RAET1L: variants seen among roughly 807,000 people sequenced by gnomAD.
The protein encoded by RAET1L is retinoic acid early transcript 1L, also known as UL16-binding protein 6.
Under a neutral mutation model 23.9 loss-of-function variants are expected in RAET1L, and 16 were observed. The ratio of observed to expected loss-of-function variants is 0.67; its 90% CI spans 0.45 to 1.02. RAET1L has a LOEUF of 1.02. RAET1L is among the 50% of genes least tolerant of loss of function. The probability of loss-of-function intolerance (pLI) is 0.00; values close to 1 mark genes in which losing one functional copy is unlikely to be tolerated. For missense variants in RAET1L, 233 were observed against 304.0 expected (o/e 0.77, Z 1.74); for synonymous variants, 70 against 111.2 (o/e 0.63, Z 2.33).
chr6:150,018,723 T>C lies in RAET1L; in HGVS notation c.*155A>G, dbSNP rs529793958. On this transcript the variant is annotated 3_prime_UTR_variant, in exon 5 of 5. Coordinates refer to ENST00000367341, the MANE Select transcript of RAET1L (RefSeq NM_130900.3). ...AGGAATCAAGGCAGTGAATGAGCTATTGGGTCCATGGTGTCATCATCATCT... is the reference window on the plus strand; with the variant it reads ...AGGAATCAAGGCAGTGAATGAGCTACTGGGTCCATGGTGTCATCATCATCT... 1.3e-4 allele frequency: 22 copies of C among 169,888 alleles called. No homozygotes were observed. The South Asian group carries it at 2.8e-3, about 22-fold the overall frequency. 10.5% of individuals were successfully genotyped at this position (169,888 alleles called of 1,614,324 possible). A position where few individuals can be genotyped will look rare whatever the true frequency, so the allele number is the denominator to read the frequency against.
intron 1 of RAET1L, among the ~76,000 whole-genome samples, chr6:150,022,836 G>T (rs1486596528): frequency 6.4e-5 from 6 of 93,356 alleles, no homozygotes; most frequent in African/African-American, 1.9e-4. Flanking sequence ...GAAAGTCTAA[G>T]GCAGGTAGTG....
chr6:150,019,468 A>G (rs1779860475), intron 4 of RAET1L, among the ~76,000 whole-genome samples: 1 of 152,158 alleles, frequency 6.6e-6, no homozygotes, highest in African/African-American at 2.4e-5. Flanking sequence ...GTGTGATGGC[A>G]GGGGAGCTGC....
In RAET1L at chr6:150,020,984, G is replaced by A. The variant is rs764059890; in HGVS notation, c.552C>T (p.Tyr184=). ...ATCCTATGCAGTCTCCCATTGAGATGTAATGGAAGGACATGGCCACATCCT... is the reference window on the plus strand; with the variant it reads ...ATCCTATGCAGTCTCCCATTGAGATATAATGGAAGGACATGGCCACATCCT... ...NDKDVAMSFH[Y]ISMGDCIGWL... Residue 184 remains tyrosine, a synonymous_variant, in exon 3 of 5, where the codon TAC becomes TAT. Coordinates refer to ENST00000367341, the MANE Select transcript of RAET1L (RefSeq NM_130900.3). 21 of 1,614,100 alleles carry A rather than the reference G, an allele frequency of 1.3e-5. No homozygotes were observed. The highest frequency in any genetic ancestry group is 1.6e-4 in the Middle Eastern group (1 of 6,084).
At chr6:150,025,131 C>T (rs1484095557) in intron 1 of RAET1L, among the ~76,000 whole-genome samples, 1 of 152,196 alleles carries the variant, frequency 6.6e-6, no homozygotes, top group Non-Finnish European at 1.5e-5. Flanking sequence ...CCCACCTAGC[C>T]CTCGCAGCCC....
chr6:150,019,569 T>TTCATTCCTGGAACCTAAGCC (rs71010878), intron 4 of RAET1L, among the ~76,000 whole-genome samples: 1 of 134,364 alleles, frequency 7.4e-6, no homozygotes, highest in Non-Finnish European at 1.7e-5. Context: ...ACCTTCCACC[T>TTCATTCCTGGAACCTAAGCC]ACTTTCTGTG....
intron 1 of RAET1L, among the ~76,000 whole-genome samples, chr6:150,024,677 G>C (rs953341350): frequency 1.3e-5 from 2 of 152,140 alleles, no homozygotes; most frequent in Non-Finnish European, 2.9e-5. Context: ...GGAGCTTGGG[G>C]TGTGTTTGTT....
At position 150,018,544 on chromosome 6, in the gene RAET1L, A is replaced by C. The variant is rs1434320259; in HGVS notation, c.*334T>G. ...AAAGAAAGAAATCATCATTCAAAGA[A>C]GTACTTGATTTTCCAAACAAAAAGA... On this transcript the variant is annotated 3_prime_UTR_variant, in exon 5 of 5. Transcript: ENST00000367341. 6.6e-6 allele frequency: 1 copy of C among 152,366 alleles called. No individual in the cohort carries two copies. The highest frequency in any genetic ancestry group is 1.9e-4 in the East Asian group (1 of 5,212). The allele number at this position is 152,366 out of a possible 1,614,324, so 9.4% of individuals were successfully genotyped here.
At chr6:150,024,212 T>A (rs1337343795) in intron 1 of RAET1L, among the ~76,000 whole-genome samples, 2 of 151,976 alleles carry the variant, frequency 1.3e-5, no homozygotes, top group Admixed American at 1.3e-4. Context: ...TCCCATCACA[T>A]CCACACCACC....
chr6:150,019,837 C>G (rs1779864430), intron 4 of RAET1L, among the ~76,000 whole-genome samples: 2 of 125,208 alleles, frequency 1.6e-5, no homozygotes, highest in African/African-American at 2.8e-5. Context: ...CTTGCTAAAC[C>G]TTCTCAAGCT....
rs547206558 is a variant in RAET1L, at chr6:150,022,214, C to T, written c.115G>A (p.Val39Ile). The change falls in exon 2 of 5, where the codon GTC becomes ATC. Residue 39 changes from valine to isoleucine, a missense_variant. Val to Ile is a conservative substitution (Grantham distance 29). This residue lies in a region of RAET1L where 44 missense variants were observed against 107.4 expected (regional missense o/e 0.41). Transcript: ENST00000367341. ...GGTCCAGGTCTGAACTTAGGGATGA[C>T]GGTGATGTCATAGCAAAGAGAGTGA... is the stretch of plus-strand genomic sequence containing the variant. The part of the protein sequence containing the change: ...DPHSLCYDIT[V>I]IPKFRPGPRW... 387 of 1,574,264 alleles carry T rather than the reference C, an allele frequency of 2.5e-4. No individual in the cohort carries two copies. Among genetic ancestry groups the T allele is most frequent in the East Asian group, 2.2e-3 (99 of 44,472 alleles).
In RAET1L at chr6:150,021,962, G is replaced by A; in HGVS notation, c.349+18C>T. 2 of 1,606,052 alleles carry A rather than the reference G, an allele frequency of 1.2e-6. No individual in the cohort carries two copies. Among genetic ancestry groups the A allele is most frequent in the Non-Finnish European group, 1.7e-6 (2 of 1,175,886 alleles). On this transcript the variant is annotated intron_variant, in intron 2 of 4. Coordinates refer to ENST00000367341, the MANE Select transcript of RAET1L (RefSeq NM_130900.3). ...CACTGTATCTGCTCCCTGCTGTCCT[G>A]GGCCATCTGAAACTTACCCTTGGGT...
rs1327033209 is a variant in RAET1L at position 150,020,280 on chromosome 6, C to T, written c.632-41G>A. ...AAAAGTGACAACCCTTGTCCAGGCCCCAAATCTGAGGAGACACCTCCTCAG... is the reference window on the plus strand; with the variant it reads ...AAAAGTGACAACCCTTGTCCAGGCCTCAAATCTGAGGAGACACCTCCTCAG... On this transcript the variant is annotated intron_variant, in intron 3 of 4. Transcript: ENST00000367341. The T allele has an allele frequency of 4.7e-6, 5 of 1,058,114 alleles. No individual in the cohort carries two copies. In the African/African-American group the frequency reaches 7.9e-5, roughly 17 times the overall value. The allele number at this position is 1,058,114 out of a possible 1,614,324, so 65.5% of individuals were successfully genotyped here. A position where few individuals can be genotyped will look rare whatever the true frequency, so the allele number is the denominator to read the frequency against.
At position 150,021,096 on chromosome 6, in the gene RAET1L, G is replaced by T. The variant is rs61730071; in HGVS notation, c.440C>A (p.Thr147Asn). Reference sequence around the variant, plus strand: ...CTTCTCTGAGTCAAAGAGTAGGAAGGTCTGTCCATCGATACTGAACTGCCA... The same window carrying T: ...CTTCTCTGAGTCAAAGAGTAGGAAGTTCTGTCCATCGATACTGAACTGCCA... ...GSWQFSIDGQ[T>N]FLLFDSEKRM... The change falls in exon 3 of 5, where the codon ACC (threonine) becomes AAC (asparagine). Residue 147 changes from threonine (T) to asparagine (N), a missense_variant. By Grantham distance (65) the Thr-to-Asn change is moderately conservative (BLOSUM62 0). This residue lies in a region of RAET1L where 139 missense variants were observed against 125.3 expected (regional missense o/e 1.11). Transcript: ENST00000367341. 3 of 1,613,812 alleles carry T rather than the reference G, an allele frequency of 1.9e-6. No individual in the cohort carries two copies. In the East Asian group the frequency reaches 6.7e-5, roughly 36 times the overall value.
chr6:150,024,685 G>A (rs1329861559), intron 1 of RAET1L, among the ~76,000 whole-genome samples: 1 of 152,134 alleles, frequency 6.6e-6, no homozygotes, highest in Non-Finnish European at 1.5e-5. Flanking sequence ...GGGTGTGTTT[G>A]TTGGGGTGTG....
At chr6:150,019,169 G>A (rs1779856986) in intron 4 of RAET1L, among the ~76,000 whole-genome samples, 1 of 152,180 alleles carries the variant, frequency 6.6e-6, no homozygotes, top group East Asian at 1.9e-4. Context: ...CTAAAACATG[G>A]CAAGGGGTGG....
At chr6:150,021,843 C>T in intron 2 of RAET1L, 137 bp downstream of exon 2, 2 of 1,256,798 alleles carry the variant, frequency 1.6e-6, no homozygotes, top group Non-Finnish European at 2.3e-6. Flanking sequence ...CGGCCCACCT[C>T]TACCTCACAA....
intron 4 of RAET1L, 44 bp from the exon 5 acceptor site, chr6:150,018,899 G>A (rs6913561): frequency 0.41 from 120,212 of 294,838 alleles, 25,243 homozygotes; most frequent in Admixed American, 0.47. Flanking sequence ...CAGAGAACCC[G>A]GATCACTTTT....
Position 150,020,910 on chromosome 6 carries a change from G to T in RAET1L, c.626C>A (p.Ala209Glu), listed in dbSNP as rs754760466. Reference sequence around the variant, plus strand: ...GTTTCTTTTTCTCCTGTTACCTCCTGCACTTGGCTCCAGGGTGCTGTCCAT... The same window carrying T: ...GTTTCTTTTTCTCCTGTTACCTCCTTCACTTGGCTCCAGGGTGCTGTCCAT... ...MGMDSTLEPS[A>E]GAPLAMSSGT... Residue 209 changes from alanine (A) to glutamate (E), a missense_variant, in exon 3 of 5, where the codon GCA becomes GAA. Transcript: ENST00000367341. 3 of 1,613,874 alleles carry T rather than the reference G, an allele frequency of 1.9e-6. No homozygotes were observed. In the African/African-American group the frequency reaches 4.0e-5, roughly 22 times the overall value.
chr6:150,019,504 G>A lies in RAET1L; in HGVS notation c.*22+604C>T, dbSNP rs1201117902. Among the ~76,000 whole-genome samples the A allele has an allele frequency of 7.2e-5, 11 of 152,026 alleles. No homozygotes were observed. The South Asian group carries it at 1.0e-3, about 14-fold the overall frequency. Reference sequence around the variant, plus strand: ...CTCAGGGCCCAGACTCAAACCCCACGGGTACATGGGACTGACTTTTTAAAA... The same window carrying A: ...CTCAGGGCCCAGACTCAAACCCCACAGGTACATGGGACTGACTTTTTAAAA... On this transcript the variant is annotated intron_variant, in intron 4 of 4. Transcript: ENST00000367341.
Sources: allele counts gnomAD v4.1 joint callset (sites outside exome capture counted in the v4.1 genomes callset), GRCh38; gene constraint gnomAD v4.1.1; regional missense constraint gnomAD v4.1.1; transcripts MANE v1.5; gene names NCBI Gene and HGNC (gene_info 2026-07-23, HGNC 2026-07-21).